SLC36A1: variants seen among roughly 807,000 people sequenced by gnomAD.
The protein encoded by SLC36A1 is proton-coupled amino acid transporter 1.
SLC36A1 carries 30 observed loss-of-function variants against 47.5 expected under a neutral mutation model. The observed-to-expected ratio is 0.63, with a 90% confidence interval of 0.47 to 0.86. SLC36A1 has a LOEUF of 0.86. SLC36A1 is among the 40% of genes least tolerant of loss of function. The pLI is 0.00. For missense variants in SLC36A1, 517 were observed against 606.0 expected (o/e 0.85, Z 1.54); for synonymous variants, 255 against 249.7 (o/e 1.02, Z -0.20).
chr5:151,546,039 C>G, the SLC36A1 span: 2 of 1,614,028 alleles, frequency 1.2e-6, no homozygotes, highest in Non-Finnish European at 1.7e-6. Flanking sequence ...CCTTATTTCC[C>G]TCTCTTAACT....
At chr5:151,398,236 A>G in the SLC36A1 span, among the ~76,000 whole-genome samples, 1 of 152,164 alleles carries the variant, frequency 6.6e-6, no homozygotes, top group African/African-American at 2.4e-5. Context: ...CCCATGGGTA[A>G]GGACTATCAT....
chr5:151,381,221 G>A, the SLC36A1 span: 1 of 334,520 alleles, frequency 3.0e-6, no homozygotes, highest in Non-Finnish European at 6.0e-6. Context: ...CTCCTCCTCA[G>A]GAATGAGCCT....
At chr5:151,515,649 A>G in the SLC36A1 span, among the ~76,000 whole-genome samples, 1 of 152,120 alleles carries the variant, frequency 6.6e-6, no homozygotes, top group Non-Finnish European at 1.5e-5. Flanking sequence ...CCTTCATTCA[A>G]TTCACTGGGA....
At chr5:151,452,800 G>C (rs1001536007) in intron 1 of SLC36A1, among the ~76,000 whole-genome samples, 1 of 151,494 alleles carries the variant, frequency 6.6e-6, no homozygotes, top group South Asian at 2.1e-4. Flanking sequence ...AACCCAGGAG[G>C]CGGAGGTTGC....
At chr5:151,495,677 C>G (rs1760318440), downstream of SLC36A1, among the ~76,000 whole-genome samples, 1 of 152,034 alleles carries the variant, frequency 6.6e-6, no homozygotes, top group Admixed American at 6.6e-5. Context: ...CCCTTCAGTC[C>G]CCCACATCCC....
the SLC36A1 span, among the ~76,000 whole-genome samples, chr5:151,498,376 A>C: frequency 3.9e-5 from 6 of 152,220 alleles, no homozygotes; most frequent in African/African-American, 1.4e-4. Context: ...CATTCAGTAT[A>C]CAAACTATGC....
the SLC36A1 span, among the ~76,000 whole-genome samples, chr5:151,409,444 G>T: frequency 6.6e-6 from 1 of 152,130 alleles, no homozygotes; most frequent in Non-Finnish European, 1.5e-5. Context: ...GCAACTATTT[G>T]ATCTCATTTC....
At chr5:151,368,595 G>A in the SLC36A1 span, among the ~76,000 whole-genome samples, 1 of 152,174 alleles carries the variant, frequency 6.6e-6, no homozygotes, top group South Asian at 2.1e-4. Context: ...GTCTTTTTGT[G>A]TCCTGAACCA....
chr5:151,397,349 T>C, the SLC36A1 span, among the ~76,000 whole-genome samples: 1 of 152,250 alleles, frequency 6.6e-6, no homozygotes, highest in East Asian at 1.9e-4. Flanking sequence ...AAAGGGTTTA[T>C]GTGCCTGAGA....
intron 7 of SLC36A1, among the ~76,000 whole-genome samples, chr5:151,468,266 A>AAAAAAAAAAAAAATATAT (rs55642458): frequency 1.6e-5 from 1 of 63,830 alleles, no homozygotes; most frequent in African/African-American, 8.8e-5. Context: ...AAAAAAAAAA[A>AAAAAAAAAAAAAATATAT]ATATATATAT....
At chr5:151,481,698 A>T (rs1758822766) in intron 10 of SLC36A1, among the ~76,000 whole-genome samples, 1 of 151,502 alleles carries the variant, frequency 6.6e-6, no homozygotes, top group Non-Finnish European at 1.5e-5. Flanking sequence ...TCCTCCAAAG[A>T]TTACTATGGC....
the SLC36A1 span, chr5:151,543,169 T>G: frequency 6.2e-7 from 1 of 1,614,186 alleles, no homozygotes; most frequent in Non-Finnish European, 8.5e-7. Flanking sequence ...GGTCTGATTT[T>G]CCAATCCCAC....
chr5:151,416,034 A>G, the SLC36A1 span, among the ~76,000 whole-genome samples: 2 of 152,242 alleles, frequency 1.3e-5, no homozygotes, highest in Non-Finnish European at 2.9e-5. Context: ...TGAGCCCAGG[A>G]GGCGGAGGTT....
the SLC36A1 span, chr5:151,525,745 C>A: frequency 6.2e-7 from 1 of 1,613,892 alleles, no homozygotes; most frequent in Non-Finnish European, 8.5e-7. Flanking sequence ...TGGTCACCAC[C>A]AGAAGCCTAG....
At chr5:151,388,146 A>AT in the SLC36A1 span, among the ~76,000 whole-genome samples, 2 of 152,294 alleles carry the variant, frequency 1.3e-5, no homozygotes, top group South Asian at 4.1e-4. Flanking sequence ...TTTAAGTCTG[A>AT]TAAGAAACAT....
At chr5:151,385,009 A>AGAGTGTGTGTGTGTGTGTGT in the SLC36A1 span, among the ~76,000 whole-genome samples, 7 of 128,526 alleles carry the variant, frequency 5.4e-5, no homozygotes, top group African/African-American at 2.5e-4. Context: ...AGAGAGAGAG[A>AGAGTGTGTGTGTGTGTGTGT]GTGTGTGTGT....
the SLC36A1 span, chr5:151,540,678 A>G: frequency 1.2e-6 from 2 of 1,614,218 alleles, no homozygotes; most frequent in Non-Finnish European, 8.5e-7. Context: ...ACTTGGCTGT[A>G]TGCTCGCGGT....
At position 151,487,963 on chromosome 5, in the gene SLC36A1, CA is replaced by C; in HGVS notation, c.1160-19del. ...CCCAGCTCTGGGCATCTTAAACAGG[CA>C]TGTCCTCTCTCCCTGCAGGCATCTT... On this transcript the variant is annotated intron_variant, in intron 10 of 10. Coordinates refer to ENST00000243389, the MANE Select transcript of SLC36A1 (RefSeq NM_078483.4). 1 of 1,613,218 alleles carries C rather than the reference CA, an allele frequency of 6.2e-7. No individual in the cohort carries two copies.
At chr5:151,540,811 C>G in the SLC36A1 span, 3 of 1,539,616 alleles carry the variant, frequency 1.9e-6, no homozygotes, top group Non-Finnish European at 2.7e-6. Flanking sequence ...TAGGAATGAA[C>G]TAGGCTTTGT....
Sources: gnomAD v4.1 joint callset for allele counts (sites outside exome capture counted in the v4.1 genomes callset) on GRCh38, gnomAD v4.1.1 for gene constraint, MANE v1.5 for transcripts, NCBI Gene and HGNC (gene_info 2026-07-23, HGNC 2026-07-21) for gene names.